The following BLTP1 variants were observed in gnomAD, a reference collection of about 807,000 sequenced individuals.
BLTP1 encodes the protein bridge-like lipid transfer protein family member 1.
At chr4:122,332,991 T>C in the BLTP1 span, among the ~76,000 whole-genome samples, 1 of 14,546 alleles carries the variant, frequency 6.9e-5, no homozygotes, top group East Asian at 2.9e-3. Context: ...TAGTATTCCA[T>C]GGTGTATATG....
chr4:122,206,714 T>C, the BLTP1 span, among the ~76,000 whole-genome samples: 25 of 151,882 alleles, frequency 1.6e-4, no homozygotes, highest in African/African-American at 5.8e-4. Flanking sequence ...CGGAAAAATA[T>C]TTGAGTTCAG....
chr4:122,308,233 A>G, the BLTP1 span: 152 of 1,501,804 alleles, frequency 1.0e-4, 4 homozygotes, highest in South Asian at 1.7e-3. Flanking sequence ...AGTATTTAGA[A>G]TATAACAGTA....
the BLTP1 span, chr4:122,187,612 G>T: frequency 1.6e-6 from 2 of 1,244,536 alleles, no homozygotes; most frequent in Non-Finnish European, 2.2e-6. Context: ...AAATAGTTTT[G>T]TGGAGTTTTT....
the BLTP1 span, among the ~76,000 whole-genome samples, chr4:122,217,559 G>A: frequency 6.6e-6 from 1 of 151,928 alleles, no homozygotes; most frequent in Non-Finnish European, 1.5e-5. Context: ...CATCCCTGGT[G>A]TGAAACCCAC....
the BLTP1 span, chr4:122,354,044 T>G: frequency 6.8e-5 from 109 of 1,597,240 alleles, no homozygotes; most frequent in Non-Finnish European, 8.7e-5. Context: ...TTTGGAGAGA[T>G]TTATTTTGTT....
At chr4:122,246,553 A>T in the BLTP1 span, 3 of 1,175,346 alleles carry the variant, frequency 2.6e-6, no homozygotes, top group Non-Finnish European at 3.5e-6. Flanking sequence ...ATCTGTATTC[A>T]TAAGCTTTGT....
At chr4:122,212,316 T>A in the BLTP1 span, among the ~76,000 whole-genome samples, 1 of 152,234 alleles carries the variant, frequency 6.6e-6, no homozygotes, top group African/African-American at 2.4e-5. Flanking sequence ...GTTGATTACA[T>A]ACACACTTTT....
chr4:122,207,389 T>G, the BLTP1 span: 2 of 1,397,642 alleles, frequency 1.4e-6, no homozygotes, highest in Non-Finnish European at 1.9e-6. Flanking sequence ...ATTATCTTTG[T>G]GAGACTCTCA....
the BLTP1 span, among the ~76,000 whole-genome samples, chr4:122,213,566 T>A: frequency 6.6e-6 from 1 of 152,016 alleles, no homozygotes; most frequent in African/African-American, 2.4e-5. Flanking sequence ...GTTATCAAAA[T>A]TAAACATCAA....
the BLTP1 span, chr4:122,254,723 A>T: frequency 9.1e-6 from 12 of 1,320,166 alleles, no homozygotes; most frequent in African/African-American, 1.2e-4. Flanking sequence ...TAAAACAACC[A>T]CTAAGTACAG....
At chr4:122,340,377 T>TA in the BLTP1 span, among the ~76,000 whole-genome samples, 2 of 152,112 alleles carry the variant, frequency 1.3e-5, no homozygotes, top group Non-Finnish European at 2.9e-5. Flanking sequence ...GAGGGGGAAA[T>TA]ACCTTTCTGA....
the BLTP1 span, among the ~76,000 whole-genome samples, chr4:122,317,782 CAG>C: frequency 7.9e-5 from 12 of 152,126 alleles, no homozygotes; most frequent in South Asian, 1.9e-3. Context: ...GTTTTGGTCT[CAG>C]GGGAAAAAAT....
the BLTP1 span, chr4:122,239,600 C>T: frequency 6.2e-7 from 1 of 1,614,082 alleles, no homozygotes; most frequent in Non-Finnish European, 8.5e-7. Flanking sequence ...TTAGATCTCC[C>T]TTGAAACGAC....
the BLTP1 span, among the ~76,000 whole-genome samples, chr4:122,279,423 A>G: frequency 6.6e-6 from 1 of 152,218 alleles, no homozygotes; most frequent in Non-Finnish European, 1.5e-5. Context: ...TTTATAAAGC[A>G]TCAATGATTT....
chr4:122,314,674 A>G, the BLTP1 span, among the ~76,000 whole-genome samples: 41 of 152,252 alleles, frequency 2.7e-4, no homozygotes, highest in South Asian at 1.5e-3. Context: ...TGCTCATCCT[A>G]AGTTACCTTA....
chr4:122,202,997 G>A, the BLTP1 span, among the ~76,000 whole-genome samples: 146,632 of 151,992 alleles, frequency 0.96, 70,967 homozygotes, highest in East Asian at 1. Flanking sequence ...GTCATATTCT[G>A]TTGTTTTTAA....
the BLTP1 span, chr4:122,200,150 C>T: frequency 3.3e-6 from 3 of 904,662 alleles, no homozygotes; most frequent in Non-Finnish European, 4.0e-6. Flanking sequence ...CTGCAATTAA[C>T]AGGAATATAT....
chr4:122,215,316 A>T, the BLTP1 span: 9 of 937,500 alleles, frequency 9.6e-6, no homozygotes, highest in Non-Finnish European at 1.1e-5. Context: ...AGGAATCTAA[A>T]TTTTTTTAAG....
the BLTP1 span, chr4:122,225,102 C>T: frequency 1.3e-6 from 1 of 772,582 alleles, no homozygotes; most frequent in Non-Finnish European, 1.6e-6. Context: ...TGAAAGTAGC[C>T]CTTATGATAC....
Sources: allele counts gnomAD v4.1 joint callset (sites outside exome capture counted in the v4.1 genomes callset), GRCh38; gene constraint gnomAD v4.1.1; transcripts MANE v1.5; gene names NCBI Gene and HGNC (gene_info 2026-07-23, HGNC 2026-07-21).